The following WWOX variants were observed in gnomAD, a reference collection of about 807,000 sequenced individuals.
The protein encoded by WWOX is WW domain-containing oxidoreductase.
A neutral mutation model predicts 46.2 loss-of-function variants in WWOX; 69 were observed. The observed-to-expected ratio is 1.49, with a 90% CI of 1.23 to 1.82. The LOEUF (loss-of-function observed/expected upper bound fraction) is 1.82. Among genes scored for constraint, WWOX ranks in the 40% most tolerant of loss-of-function variants. The pLI is 0.00. For missense variants in WWOX, 919 were observed against 542.6 expected, an observed-to-expected ratio of 1.69 and a Z score of -6.89; for synonymous variants, 359 against 202.6, an observed-to-expected ratio of 1.77 and a Z score of -6.56.
chr16:78,838,910 G>T (rs56032748), intron 8 of WWOX, among the ~76,000 whole-genome samples: 14 of 152,210 alleles, frequency 9.2e-5, no homozygotes, highest in Non-Finnish European at 1.5e-4. Flanking sequence ...GGAGAGGAGT[G>T]GGGGGTGAGT....
At chr16:78,367,681 C>T (rs2081570409) in intron 5 of WWOX, among the ~76,000 whole-genome samples, 2 of 152,024 alleles carry the variant, frequency 1.3e-5, no homozygotes, top group South Asian at 4.2e-4. Context: ...ATGGAGACAG[C>T]AGTACTGTTT....
At chr16:78,546,884 T>G (rs1405619924) in intron 8 of WWOX, among the ~76,000 whole-genome samples, 1 of 152,140 alleles carries the variant, frequency 6.6e-6, no homozygotes, top group Admixed American at 6.5e-5. Context: ...CTTAGCACTT[T>G]GGGAGGCTGA....
At chr16:78,753,032 C>T (rs536606329) in intron 8 of WWOX, among the ~76,000 whole-genome samples, 5 of 152,274 alleles carry the variant, frequency 3.3e-5, no homozygotes, top group Admixed American at 6.5e-5. Context: ...CGGTAGCTCA[C>T]GCCTATAATC....
intron 8 of WWOX, among the ~76,000 whole-genome samples, chr16:79,207,232 A>G (rs4888015): frequency 1 from 151,762 of 152,360 alleles, 75,585 homozygotes; most frequent in Middle Eastern, 1. Flanking sequence ...CACAGAGTCA[A>G]TGGATAAGGT....
At chr16:78,405,596 C>T (rs955692465) in intron 6 of WWOX, among the ~76,000 whole-genome samples, 1 of 152,284 alleles carries the variant, frequency 6.6e-6, no homozygotes, top group African/African-American at 2.4e-5. Context: ...ACATAAGTAT[C>T]TTATAAATGT....
At chr16:78,615,260 T>G (rs1398878942) in intron 8 of WWOX, among the ~76,000 whole-genome samples, 1 of 152,152 alleles carries the variant, frequency 6.6e-6, no homozygotes, top group Non-Finnish European at 1.5e-5. Context: ...AGATCCTAAG[T>G]TTCAGGCTCT....
chr16:78,586,928 T>C (rs2045222308), intron 8 of WWOX, among the ~76,000 whole-genome samples: 2 of 152,198 alleles, frequency 1.3e-5, no homozygotes. Context: ...TTCTCCCACT[T>C]TTCTTAACCC....
chr16:78,814,824 C>G (rs1021943639), intron 8 of WWOX, among the ~76,000 whole-genome samples: 1 of 152,214 alleles, frequency 6.6e-6, no homozygotes, highest in Non-Finnish European at 1.5e-5. Context: ...CCCACTAGTC[C>G]TGTCATCTGC....
intron 8 of WWOX, among the ~76,000 whole-genome samples, chr16:78,814,655 C>T (rs555621699): frequency 6.6e-6 from 1 of 152,170 alleles, no homozygotes; most frequent in African/African-American, 2.4e-5. Context: ...CACCTTAGAC[C>T]TGGGAGAAAC....
At chr16:78,252,033 C>T (rs547540663) in intron 5 of WWOX, among the ~76,000 whole-genome samples, 124 of 152,288 alleles carry the variant, frequency 8.1e-4, no homozygotes, top group Non-Finnish European at 7.5e-4. Context: ...AAGTAAATTG[C>T]AGGTTAAGCC....
chr16:78,760,302 C>T (rs2049760274), intron 8 of WWOX, among the ~76,000 whole-genome samples: 1 of 152,196 alleles, frequency 6.6e-6, no homozygotes, highest in Non-Finnish European at 1.5e-5. Context: ...TATCTCCCAC[C>T]AGGGTCCCTC....
Position 78,332,402 on chromosome 16 carries a change from C to T in WWOX, c.517-54458C>T, listed in dbSNP as rs187363240. ...ATTTCCTCTGTGCAATCTGAGGGCA[C>T]GGGACACTCCTCCAGCGGAGTAGCC... On this transcript the variant is annotated intron_variant, in intron 5 of 8. Coordinates refer to ENST00000566780, the MANE Select transcript of WWOX (RefSeq NM_016373.4). Among the ~76,000 whole-genome samples the T allele has an allele frequency of 3.4e-3, 515 of 152,252 alleles. 2 individuals are homozygous for T. Among genetic ancestry groups the T allele is most frequent in the African/African-American group, 0.011 (447 of 41,526 alleles).
intron 8 of WWOX, among the ~76,000 whole-genome samples, chr16:78,977,362 A>G (rs541224638): frequency 6.6e-6 from 1 of 152,246 alleles, no homozygotes; most frequent in South Asian, 2.1e-4. Flanking sequence ...GATCCTGTTC[A>G]TTTGCCTTAT....
chr16:78,269,914 GTT>G (rs71137883), intron 5 of WWOX, among the ~76,000 whole-genome samples: 23 of 125,620 alleles, frequency 1.8e-4, no homozygotes, highest in Admixed American at 3.2e-4. Flanking sequence ...ACATAAGGAA[GTT>G]TTTTTTTTTT....
intron 8 of WWOX, among the ~76,000 whole-genome samples, chr16:78,555,353 A>G (rs2044269616): frequency 6.6e-6 from 1 of 152,090 alleles, no homozygotes; most frequent in African/African-American, 2.4e-5. Context: ...TATCCTTAAT[A>G]TTGTACATTT....
chr16:78,312,300 G>A (rs1567492812), intron 5 of WWOX, among the ~76,000 whole-genome samples: 2 of 150,994 alleles, frequency 1.3e-5, no homozygotes, highest in African/African-American at 4.9e-5. Flanking sequence ...GGTAATTTTA[G>A]CTTCTTTCTC....
intron 8 of WWOX, among the ~76,000 whole-genome samples, chr16:78,764,375 C>G (rs1413653408): frequency 6.6e-6 from 1 of 151,268 alleles, no homozygotes; most frequent in Non-Finnish European, 1.5e-5. Context: ...AGGCCGCCTC[C>G]TCCTCCAGGC....
At chr16:78,540,020 T>TCTCTCACACA (rs369075883) in intron 8 of WWOX, among the ~76,000 whole-genome samples, 5 of 132,924 alleles carry the variant, frequency 3.8e-5, no homozygotes, top group East Asian at 2.2e-4. Context: ...TCTCTCTCTC[T>TCTCTCACACA]CACACACACA....
At chr16:79,173,751 A>G (rs746249979) in intron 8 of WWOX, among the ~76,000 whole-genome samples, 1 of 152,344 alleles carries the variant, frequency 6.6e-6, no homozygotes, top group East Asian at 1.9e-4. Context: ...CTAGGTAGCC[A>G]CTAAAATAAA....
Sources: allele counts gnomAD v4.1 joint callset (sites outside exome capture counted in the v4.1 genomes callset), GRCh38; gene constraint gnomAD v4.1.1; transcripts MANE v1.5; gene names NCBI Gene and HGNC (gene_info 2026-07-23, HGNC 2026-07-21).